The following KPNA1 variants were observed in gnomAD, a reference collection of about 807,000 sequenced individuals.
KPNA1 encodes importin subunit alpha-5.
Under a neutral mutation model 70.5 loss-of-function variants are expected in KPNA1, and 10 were observed. That is an observed-to-expected ratio of 0.14 (90% confidence interval 0.09 to 0.24). The LOEUF is 0.24. Ranked by LOEUF, KPNA1 falls within the 10% of genes least tolerant of loss-of-function variation. The pLI is 1.00. For synonymous variants in KPNA1, 192 were observed against 221.9 expected (o/e 0.87, Z 1.20); for missense variants, 397 against 637.9 (o/e 0.62, Z 4.07).
At chr3:122,500,555 T>C (rs1430101935) in intron 1 of KPNA1, among the ~76,000 whole-genome samples, 2 of 151,996 alleles carry the variant, frequency 1.3e-5, no homozygotes, top group East Asian at 3.9e-4. Flanking sequence ...GAGAGTACAG[T>C]GGCACAATCA....
At chr3:122,498,321 G>C (rs2076786746) in intron 1 of KPNA1, among the ~76,000 whole-genome samples, 1 of 152,166 alleles carries the variant, frequency 6.6e-6, no homozygotes, top group Admixed American at 6.5e-5. Context: ...ACCCCCCAAA[G>C]AGTTTGCTTG....
chr3:122,477,368 T>C (rs1017576641), intron 2 of KPNA1, among the ~76,000 whole-genome samples: 1 of 152,178 alleles, frequency 6.6e-6, no homozygotes, highest in African/African-American at 2.4e-5. Flanking sequence ...ATGGTGACTA[T>C]AGTTCATAAC....
At chr3:122,501,964 G>A (rs2076834014) in intron 1 of KPNA1, among the ~76,000 whole-genome samples, 1 of 152,194 alleles carries the variant, frequency 6.6e-6, no homozygotes, top group Non-Finnish European at 1.5e-5. Context: ...TGGGTAGTGG[G>A]TCAGCAGAGC....
intron 3 of KPNA1, among the ~76,000 whole-genome samples, chr3:122,466,385 T>C (rs141788761): frequency 6.4e-4 from 98 of 152,274 alleles, no homozygotes; most frequent in African/African-American, 2.2e-3. Context: ...TCTTCATTTT[T>C]TTTAATTGTA....
chr3:122,501,729 C>T (rs546600968), intron 1 of KPNA1, among the ~76,000 whole-genome samples: 1 of 152,260 alleles, frequency 6.6e-6, no homozygotes, highest in Admixed American at 6.5e-5. Context: ...GTGGTCTATA[C>T]ATGTCAGTTA....
chr3:122,433,727 C>T lies in KPNA1; in HGVS notation c.1184G>A (p.Arg395Gln), dbSNP rs2107718772. Residue 395 changes from arginine (R) to glutamine (Q), a missense_variant, in exon 12 of 14, where the codon CGG becomes CAG. Coordinates refer to ENST00000344337, the MANE Select transcript of KPNA1 (RefSeq NM_002264.4). ...LISILQTAEF[R>Q]TRKEAAWAIT... ...GGCCCAAGCTGCTTCTTTTCTTGTCCGAAATTCAGCAGTTTGTAAAATACT... is the reference window on the plus strand; with the variant it reads ...GGCCCAAGCTGCTTCTTTTCTTGTCTGAAATTCAGCAGTTTGTAAAATACT... 3 of 1,613,298 alleles carry T rather than the reference C, an allele frequency of 1.9e-6. No individual in the cohort carries two copies. Among genetic ancestry groups the T allele is most frequent in the South Asian group, 1.1e-5 (1 of 90,950 alleles).
chr3:122,495,077 C>T (rs1370879895), intron 2 of KPNA1, among the ~76,000 whole-genome samples: 2 of 151,914 alleles, frequency 1.3e-5, no homozygotes, highest in African/African-American at 4.8e-5. Flanking sequence ...TGGTGAAACC[C>T]TGTCTCTACT....
chr3:122,461,511 A>T (rs2076323761), intron 4 of KPNA1, among the ~76,000 whole-genome samples, 193 bp from the exon 5 acceptor site: 1 of 152,178 alleles, frequency 6.6e-6, no homozygotes, highest in South Asian at 2.1e-4. Flanking sequence ...CACAATGAAG[A>T]CAAGTCTCAA....
At position 122,461,761 on chromosome 3, in the gene KPNA1, T is replaced by A. The variant is rs545035444; in HGVS notation, c.338-443A>T. ...AATAGGCCTGCAGAATTTAATTTTG[T>A]ACCTGTAGGAGCTAGCAAGAATTCA... On this transcript the variant is annotated intron_variant, in intron 4 of 13. Transcript: ENST00000344337. Among the ~76,000 whole-genome samples the A allele has an allele frequency of 4.6e-5, 7 of 152,344 alleles. No homozygotes were observed. In the South Asian group the frequency reaches 1.4e-3, roughly 32 times the overall value.
chr3:122,494,674 A>C (rs2107496493), intron 2 of KPNA1, among the ~76,000 whole-genome samples: 1 of 152,296 alleles, frequency 6.6e-6, no homozygotes, highest in South Asian at 2.1e-4. Flanking sequence ...GAAGAATGAC[A>C]CTGGTAATTG....
At chr3:122,507,757 T>TA (rs769610393) in intron 1 of KPNA1, among the ~76,000 whole-genome samples, 131 of 143,262 alleles carry the variant, frequency 9.1e-4, no homozygotes, top group Middle Eastern at 3.6e-3. Flanking sequence ...TTTGGGGGGT[T>TA]AAAAAAAAAA....
In KPNA1 at chr3:122,423,555, A is replaced by G. The variant is rs2075783461; in HGVS notation, c.*3430T>C. On this transcript the variant is annotated 3_prime_UTR_variant, in exon 14 of 14. Transcript: ENST00000344337. ...TTGATATAAAAATTTTCACAAAACTAGCGAGAAAGAAAAACCCCTTGACTC... is the reference window on the plus strand; with the variant it reads ...TTGATATAAAAATTTTCACAAAACTGGCGAGAAAGAAAAACCCCTTGACTC... The G allele has an allele frequency of 6.6e-6, 1 of 152,638 alleles. No individual in the cohort carries two copies. Among genetic ancestry groups the G allele is most frequent in the African/African-American group, 2.4e-5 (1 of 41,462 alleles). 9.5% of individuals were successfully genotyped at this position (152,638 alleles called of 1,614,324 possible). A position where few individuals can be genotyped will look rare whatever the true frequency, so the allele number is the denominator to read the frequency against.
intron 2 of KPNA1, among the ~76,000 whole-genome samples, chr3:122,494,160 T>C (rs141460520): frequency 6.6e-6 from 1 of 152,302 alleles, no homozygotes; most frequent in Non-Finnish European, 1.5e-5. Flanking sequence ...AAGTCCCATT[T>C]ATCTATTTTT....
intron 5 of KPNA1, among the ~76,000 whole-genome samples, chr3:122,459,053 G>A (rs925478135): frequency 1.3e-5 from 2 of 152,164 alleles, no homozygotes; most frequent in Non-Finnish European, 2.9e-5. Context: ...CACAAGGGTG[G>A]AATCTGGGAG....
intron 1 of KPNA1, among the ~76,000 whole-genome samples, chr3:122,508,014 C>G (rs1559769749): frequency 6.6e-6 from 1 of 151,956 alleles, no homozygotes; most frequent in Non-Finnish European, 1.5e-5. Context: ...TTTTAATCTT[C>G]AATAGGCACA....
chr3:122,469,907 A>C (rs2076422256), intron 2 of KPNA1, among the ~76,000 whole-genome samples: 1 of 152,244 alleles, frequency 6.6e-6, no homozygotes, highest in Non-Finnish European at 1.5e-5. Context: ...AGAAACTCTG[A>C]ACCTTGCAAA....
chr3:122,442,211 G>C, intron 9 of KPNA1, 95 bp from the exon 10 acceptor site: 3 of 919,768 alleles, frequency 3.3e-6, no homozygotes, highest in Non-Finnish European at 5.3e-6. Flanking sequence ...AATTGTGATA[G>C]AATTTTAGAG....
chr3:122,508,535 G>T (rs772818531), intron 1 of KPNA1, among the ~76,000 whole-genome samples: 3 of 152,134 alleles, frequency 2.0e-5, no homozygotes, highest in Non-Finnish European at 4.4e-5. Flanking sequence ...GGGGTGAGGT[G>T]CCTTATTGAT....
chr3:122,464,257 A>AG, intron 3 of KPNA1: 3 of 377,352 alleles, frequency 8.0e-6, no homozygotes, highest in Non-Finnish European at 1.4e-5. Flanking sequence ...CACAGTAGAA[A>AG]GTGATCTTAC....
Sources: allele counts gnomAD v4.1 joint callset (sites outside exome capture counted in the v4.1 genomes callset), GRCh38; gene constraint gnomAD v4.1.1; transcripts MANE v1.5; gene names NCBI Gene and HGNC (gene_info 2026-07-23, HGNC 2026-07-21).